Variants in NRG3 observed in about 807,000 individuals in gnomAD.
The protein encoded by NRG3 is neuregulin 3, also known as pro-neuregulin-3, membrane-bound isoform.
In NRG3, 31 loss-of-function variants were observed where a neutral mutation model predicts 66.9. The observed-to-expected ratio is 0.46, with a 90% CI of 0.35 to 0.63. NRG3 has a LOEUF of 0.63. Among genes scored for constraint, NRG3 ranks in the 20% least tolerant of loss-of-function variants. The pLI is 0.00. For missense variants in NRG3, 910 were observed against 878.9 expected (o/e 1.04, Z -0.45); for synonymous variants, 393 against 359.4 (o/e 1.09, Z -1.06).
intron 2 of NRG3, among the ~76,000 whole-genome samples, chr10:82,410,904 T>C (rs2136150902): frequency 6.6e-6 from 1 of 152,276 alleles, no homozygotes; most frequent in South Asian, 2.1e-4. Flanking sequence ...ATCATAAAAT[T>C]CACTACATTT....
At chr10:82,699,263 G>A (rs2055648419) in intron 2 of NRG3, among the ~76,000 whole-genome samples, 1 of 150,340 alleles carries the variant, frequency 6.7e-6, no homozygotes, top group African/African-American at 2.5e-5. Context: ...AAGGAAGGAA[G>A]GAAGGAAGGA....
At chr10:82,761,922 CTCTT>C (rs140350240) in intron 3 of NRG3, among the ~76,000 whole-genome samples, 18,721 of 123,640 alleles carry the variant, frequency 0.15, 1,360 homozygotes, top group Admixed American at 0.19. Flanking sequence ...TTCTTTCTTT[CTCTT>C]TCTTTCTTTC....
chr10:82,716,582 T>A (rs577595819), intron 2 of NRG3, among the ~76,000 whole-genome samples: 1 of 152,238 alleles, frequency 6.6e-6, no homozygotes, highest in African/African-American at 2.4e-5. Context: ...TGATAAGAAC[T>A]AAACAGTGAC....
At chr10:82,130,541 T>G (rs1049148334) in intron 1 of NRG3, among the ~76,000 whole-genome samples, 3 of 152,048 alleles carry the variant, frequency 2.0e-5, no homozygotes, top group Admixed American at 1.3e-4. Flanking sequence ...TTCATTTTTT[T>G]GGGGGGGTAT....
intron 1 of NRG3, among the ~76,000 whole-genome samples, chr10:82,305,565 G>A (rs1308743745): frequency 6.6e-6 from 1 of 151,694 alleles, no homozygotes; most frequent in African/African-American, 2.4e-5. Context: ...GACTCCTTTG[G>A]TTTCAATTAA....
At chr10:82,942,951 G>T (rs569441366) in intron 4 of NRG3, among the ~76,000 whole-genome samples, 1 of 151,502 alleles carries the variant, frequency 6.6e-6, no homozygotes, top group African/African-American at 2.4e-5. Context: ...AAGAGTGAAA[G>T]TACAAGTTAA....
At chr10:82,289,208 C>T (rs1275573707) in intron 1 of NRG3, among the ~76,000 whole-genome samples, 2 of 152,004 alleles carry the variant, frequency 1.3e-5, no homozygotes, top group Non-Finnish European at 2.9e-5. Context: ...CTGATTCCAC[C>T]CTTCACGCCA....
At chr10:81,978,026 G>C (rs1027431481) in intron 1 of NRG3, among the ~76,000 whole-genome samples, 3 of 152,004 alleles carry the variant, frequency 2.0e-5, no homozygotes, top group Non-Finnish European at 2.9e-5. Context: ...ATTTCTTTCT[G>C]TTGGAAACTT....
At chr10:82,242,581 G>C (rs1238999114) in intron 1 of NRG3, among the ~76,000 whole-genome samples, 1 of 152,178 alleles carries the variant, frequency 6.6e-6, no homozygotes, top group African/African-American at 2.4e-5. Context: ...GAGTGCAGAA[G>C]CTGAAGTTAT....
intron 3 of NRG3, among the ~76,000 whole-genome samples, chr10:82,823,706 C>A (rs960189349): frequency 2.0e-5 from 3 of 152,230 alleles, no homozygotes; most frequent in East Asian, 3.9e-4. Flanking sequence ...CTGGTAGACA[C>A]AGGGACCCAG....
chr10:82,075,826 A>G (rs1464113787), intron 1 of NRG3, among the ~76,000 whole-genome samples: 1 of 152,100 alleles, frequency 6.6e-6, no homozygotes, highest in East Asian at 1.9e-4. Context: ...AGATAAGGAA[A>G]TCTGAAATGA....
At chr10:82,358,655 T>C (rs1457936101) in intron 1 of NRG3, 84 bp from the exon 2 acceptor site, 1 of 1,587,674 alleles carries the variant, frequency 6.3e-7, no homozygotes, top group Non-Finnish European at 8.6e-7. Context: ...AAGGCCTCCA[T>C]ACAGAGATCC....
intron 1 of NRG3, among the ~76,000 whole-genome samples, chr10:81,952,320 C>T (rs1051277090): frequency 1.3e-4 from 20 of 152,042 alleles, no homozygotes; most frequent in Non-Finnish European, 1.5e-5. Flanking sequence ...CTTCCTTTTC[C>T]TTTCCTCAAC....
chr10:82,793,465 C>A (rs572804131), intron 3 of NRG3, among the ~76,000 whole-genome samples: 1 of 152,120 alleles, frequency 6.6e-6, no homozygotes, highest in Admixed American at 6.6e-5. Flanking sequence ...TCTCCCTAGG[C>A]CTGCAGCTAC....
At chr10:82,529,980 G>A (rs905736575) in intron 2 of NRG3, among the ~76,000 whole-genome samples, 9 of 151,980 alleles carry the variant, frequency 5.9e-5, no homozygotes, top group African/African-American at 2.2e-4. Flanking sequence ...GTTTTATATC[G>A]ATGTTATCAG....
At chr10:82,056,411 A>G (rs2063849655) in intron 1 of NRG3, among the ~76,000 whole-genome samples, 1 of 152,156 alleles carries the variant, frequency 6.6e-6, no homozygotes, top group Non-Finnish European at 1.5e-5. Flanking sequence ...AGCTAAAAGG[A>G]TGGAGTGGTT....
At chr10:82,200,539 G>A (rs2074742454) in intron 1 of NRG3, among the ~76,000 whole-genome samples, 1 of 152,174 alleles carries the variant, frequency 6.6e-6, no homozygotes, top group Non-Finnish European at 1.5e-5. Flanking sequence ...TAGGGATATA[G>A]GAGGAGATTG....
At chr10:81,926,125 T>G (rs965608287) in intron 1 of NRG3, among the ~76,000 whole-genome samples, 10 of 152,106 alleles carry the variant, frequency 6.6e-5, no homozygotes, top group African/African-American at 2.4e-4. Flanking sequence ...ATTTATTTAT[T>G]TATTATTTTT....
chr10:82,723,377 C>A (rs1362168607), intron 2 of NRG3, among the ~76,000 whole-genome samples: 1 of 152,090 alleles, frequency 6.6e-6, no homozygotes, highest in East Asian at 1.9e-4. Flanking sequence ...TGCTTCGTAC[C>A]TGGGTAATGG....
Sources: gnomAD v4.1 joint callset for allele counts (sites outside exome capture counted in the v4.1 genomes callset) on GRCh38, gnomAD v4.1.1 for gene constraint, MANE v1.5 for transcripts, NCBI Gene and HGNC (gene_info 2026-07-23, HGNC 2026-07-21) for gene names.